Variants in RNFT2 observed in about 807,000 individuals in gnomAD.
RNFT2 encodes the protein ring finger protein, transmembrane 2.
RNFT2 carries 36 observed loss-of-function variants against 53.0 expected under a neutral mutation model. The observed-to-expected ratio is 0.68, with a 90% CI of 0.52 to 0.90. The LOEUF (loss-of-function observed/expected upper bound fraction) is 0.90, where lower values mean the gene tolerates loss of function less well. RNFT2 is among the 40% of genes least tolerant of loss of function. The probability of loss-of-function intolerance (pLI) is 0.00; values close to 1 mark genes in which losing one functional copy is unlikely to be tolerated. For missense variants in RNFT2, 514 were observed against 585.6 expected (o/e 0.88, Z 1.26); for synonymous variants, 260 against 253.2 (o/e 1.03, Z -0.26).
intron 3 of RNFT2, among the ~76,000 whole-genome samples, chr12:116,749,080 G>C (rs1035733496): frequency 1.3e-5 from 2 of 152,092 alleles, no homozygotes; most frequent in East Asian, 3.8e-4. Flanking sequence ...TAGGACTGCC[G>C]TAACAAAGTA....
At position 116,849,862 on chromosome 12, in the gene RNFT2, A is replaced by G. The variant is rs1311456696; in HGVS notation, c.*414A>G. ...CTTCCTTCCTTTTTTTTTTTTTTTT[A>G]AAACAAGGTCTCGCTCTATCACCCA... On this transcript the variant is annotated 3_prime_UTR_variant, in exon 11 of 11. Coordinates refer to ENST00000257575, the MANE Select transcript of RNFT2 (RefSeq NM_001382266.1). 3.9e-5 allele frequency: 3 copies of G among 77,348 alleles called. No homozygotes were observed. Among genetic ancestry groups the G allele is most frequent in the African/African-American group, 2.7e-4 (1 of 3,662 alleles). The allele number at this position is 77,348 out of a possible 1,614,324, so 4.8% of individuals were successfully genotyped here.
intron 7 of RNFT2, among the ~76,000 whole-genome samples, chr12:116,786,059 G>A (rs1873921711): frequency 6.6e-6 from 1 of 151,842 alleles, no homozygotes; most frequent in Non-Finnish European, 1.5e-5. Context: ...GTATTCTTCT[G>A]ACATAGGTGC....
chr12:116,827,283 A>G (rs1876393990), intron 7 of RNFT2, among the ~76,000 whole-genome samples: 1 of 152,164 alleles, frequency 6.6e-6, no homozygotes, highest in Non-Finnish European at 1.5e-5. Flanking sequence ...AAAGGTGTAC[A>G]TAACAGGAGC....
intron 7 of RNFT2, among the ~76,000 whole-genome samples, chr12:116,792,547 G>A (rs1592961222): frequency 6.6e-6 from 1 of 152,230 alleles, no homozygotes; most frequent in South Asian, 2.1e-4. Flanking sequence ...TGCCTCCCTG[G>A]CAACTGTCCA....
At chr12:116,818,400 G>A (rs1357332689) in intron 7 of RNFT2, among the ~76,000 whole-genome samples, 3 of 152,036 alleles carry the variant, frequency 2.0e-5, no homozygotes, top group African/African-American at 7.3e-5. Context: ...TTAGTAACAG[G>A]CCCTGGCTCA....
At chr12:116,838,022 TAAA>T (rs112216457) in intron 10 of RNFT2, among the ~76,000 whole-genome samples, 1 of 151,480 alleles carries the variant, frequency 6.6e-6, no homozygotes, top group African/African-American at 2.4e-5. Flanking sequence ...CATATTTTTT[TAAA>T]AAAAAACATA....
At chr12:116,754,654 T>A (rs2137080981) in intron 5 of RNFT2, among the ~76,000 whole-genome samples, 1 of 152,300 alleles carries the variant, frequency 6.6e-6, no homozygotes, top group East Asian at 1.9e-4. Flanking sequence ...CATCTATTGT[T>A]TTTTGACTTT....
intron 7 of RNFT2, among the ~76,000 whole-genome samples, chr12:116,824,612 G>T (rs1023341845): frequency 1.3e-5 from 2 of 152,108 alleles, no homozygotes; most frequent in African/African-American, 4.8e-5. Flanking sequence ...AGAGAAAGTG[G>T]GGAAGAATAA....
At chr12:116,762,111 G>A (rs1388245315) in intron 5 of RNFT2, among the ~76,000 whole-genome samples, 1 of 151,952 alleles carries the variant, frequency 6.6e-6, no homozygotes, top group Admixed American at 6.6e-5. Context: ...AGGCACTGTG[G>A]CTCATGCATG....
intron 10 of RNFT2, among the ~76,000 whole-genome samples, chr12:116,847,908 A>G (rs1877701507): frequency 6.6e-6 from 1 of 152,140 alleles, no homozygotes; most frequent in Non-Finnish European, 1.5e-5. Flanking sequence ...ACATAGGTAA[A>G]CGTGTGCCAT....
chr12:116,813,260 G>A (rs1875475827), intron 7 of RNFT2, among the ~76,000 whole-genome samples: 1 of 152,146 alleles, frequency 6.6e-6, no homozygotes, highest in Non-Finnish European at 1.5e-5. Context: ...CCTGGCCAAG[G>A]GAGTCCTTTT....
intron 7 of RNFT2, among the ~76,000 whole-genome samples, chr12:116,785,263 G>GTGTGTGTGTGTGTGTGTGTGTA (rs1042280366): frequency 1.4e-5 from 2 of 142,128 alleles, no homozygotes; most frequent in African/African-American, 5.8e-5. Context: ...GTGTGTGTGT[G>GTGTGTGTGTGTGTGTGTGTGTA]TGTGTGTGTG....
chr12:116,849,847 T>TCCTTCCTTCC lies in RNFT2; in HGVS notation c.*399_*400insCCTTCCTTCC. 1 of 115,430 alleles carries TCCTTCCTTCC rather than the reference T, an allele frequency of 8.7e-6. No individual in the cohort carries two copies. The highest frequency in any genetic ancestry group is 1.0e-5 in the Non-Finnish European group (1 of 97,078). The allele number at this position is 115,430 out of a possible 1,614,324, so 7.2% of individuals were successfully genotyped here. On this transcript the variant is annotated 3_prime_UTR_variant, in exon 11 of 11. Transcript: ENST00000257575. ...CTCCCTCCTTCCTTCCTTCCTTCCT[T>TCCTTCCTTCC]TTTTTTTTTTTTTTAAAACAAGGTC...
At chr12:116,835,894 G>A in intron 8 of RNFT2, 66 bp from the exon 9 acceptor site, 4 of 1,558,888 alleles carry the variant, frequency 2.6e-6, no homozygotes, top group Non-Finnish European at 3.5e-6. Flanking sequence ...ATGGGGTGGG[G>A]TGATTGTGCA....
intron 7 of RNFT2, among the ~76,000 whole-genome samples, chr12:116,822,355 T>A (rs1482499895): frequency 1.3e-5 from 2 of 152,064 alleles, no homozygotes; most frequent in East Asian, 3.9e-4. Context: ...TGTCTCTCTC[T>A]CTCTCTGTGG....
At chr12:116,844,514 C>T (rs1877508492) in intron 10 of RNFT2, among the ~76,000 whole-genome samples, 1 of 152,202 alleles carries the variant, frequency 6.6e-6, no homozygotes, top group Non-Finnish European at 1.5e-5. Flanking sequence ...GGATTACAGG[C>T]GTGAGCTACC....
intron 3 of RNFT2, among the ~76,000 whole-genome samples, chr12:116,746,514 G>A (rs1260553795): frequency 2.0e-5 from 3 of 152,192 alleles, no homozygotes; most frequent in Non-Finnish European, 4.4e-5. Flanking sequence ...AAGGAGTGAA[G>A]CCTCAATCCA....
chr12:116,743,629 G>A (rs1871754074), intron 3 of RNFT2, among the ~76,000 whole-genome samples: 1 of 152,074 alleles, frequency 6.6e-6, no homozygotes, highest in Non-Finnish European at 1.5e-5. Context: ...CTCAGATTGG[G>A]ACAGCCTCCA....
chr12:116,744,219 C>A (rs1451130294), intron 3 of RNFT2, among the ~76,000 whole-genome samples: 1 of 128,188 alleles, frequency 7.8e-6, no homozygotes, highest in Non-Finnish European at 1.7e-5. Context: ...GAGTGAGACT[C>A]CTCCTCAAAA....
Sources: allele counts gnomAD v4.1 joint callset (sites outside exome capture counted in the v4.1 genomes callset), GRCh38; gene constraint gnomAD v4.1.1; transcripts MANE v1.5; gene names NCBI Gene and HGNC (gene_info 2026-07-23, HGNC 2026-07-21).